The following CDH8 variants were observed in gnomAD, a reference collection of about 807,000 sequenced individuals.
The protein encoded by CDH8 is cadherin-8.
A neutral mutation model predicts 68.1 loss-of-function variants in CDH8; 17 were observed. The observed-to-expected ratio is 0.25, with a 90% CI of 0.17 to 0.37. The LOEUF (loss-of-function observed/expected upper bound fraction) is 0.37, where lower values mean the gene tolerates loss of function less well. Among genes scored for constraint, CDH8 ranks in the 10% least tolerant of loss-of-function variants. CDH8 has a pLI of 1.00. For missense variants in CDH8, 763 were observed against 999.3 expected (o/e 0.76, Z 3.19); for synonymous variants, 372 against 365.1 (o/e 1.02, Z -0.21).
chr16:62,030,206 A>G (rs1567575460), intron 1 of CDH8, among the ~76,000 whole-genome samples: 1 of 152,206 alleles, frequency 6.6e-6, no homozygotes, highest in African/African-American at 2.4e-5. Flanking sequence ...TGACAAAAAT[A>G]CTATTGAGTT....
intron 8 of CDH8, among the ~76,000 whole-genome samples, chr16:61,774,067 G>A (rs1960847327): frequency 6.6e-6 from 1 of 152,156 alleles, no homozygotes; most frequent in African/African-American, 2.4e-5. Context: ...TTGGATTAGG[G>A]AGTCCTGGAA....
At chr16:61,834,905 C>A (rs1004299270) in intron 4 of CDH8, among the ~76,000 whole-genome samples, 1 of 151,992 alleles carries the variant, frequency 6.6e-6, no homozygotes, top group African/African-American at 2.4e-5. Flanking sequence ...CCGCAGCCTG[C>A]AGCTGTGGCG....
At chr16:61,723,118 T>C (rs895077990) in intron 9 of CDH8, among the ~76,000 whole-genome samples, 5 of 150,662 alleles carry the variant, frequency 3.3e-5, no homozygotes, top group Non-Finnish European at 7.5e-5. Flanking sequence ...TGATAGATCA[T>C]CCAGAGAAAG....
intron 3 of CDH8, among the ~76,000 whole-genome samples, chr16:61,898,916 T>G (rs535715632): frequency 5.3e-5 from 8 of 152,302 alleles, no homozygotes; most frequent in Non-Finnish European, 8.8e-5. Context: ...GTTTGATTTT[T>G]TTTTTCTACC....
chr16:61,673,353 G>A (rs1470714607), intron 10 of CDH8, among the ~76,000 whole-genome samples: 1 of 151,998 alleles, frequency 6.6e-6, no homozygotes, highest in Non-Finnish European at 1.5e-5. Flanking sequence ...CTAGGAAATT[G>A]TATCCATGTC....
At chr16:61,935,619 T>C (rs914855870) in intron 2 of CDH8, among the ~76,000 whole-genome samples, 3 of 152,170 alleles carry the variant, frequency 2.0e-5, no homozygotes, top group African/African-American at 7.2e-5. Context: ...TCTAAGTCTA[T>C]TTCCTGTGAG....
At chr16:61,919,842 A>G (rs1426224530) in intron 2 of CDH8, among the ~76,000 whole-genome samples, 1 of 152,196 alleles carries the variant, frequency 6.6e-6, no homozygotes, top group African/African-American at 2.4e-5. Flanking sequence ...ACGCTACCTG[A>G]CTTCAAACTA....
chr16:61,848,987 T>C (rs756219152), intron 4 of CDH8, among the ~76,000 whole-genome samples: 2 of 152,098 alleles, frequency 1.3e-5, no homozygotes, highest in Non-Finnish European at 2.9e-5. Flanking sequence ...TAATAAGATA[T>C]GTTAAAATAG....
At chr16:61,911,626 C>G (rs571159392) in intron 2 of CDH8, among the ~76,000 whole-genome samples, 43 of 147,026 alleles carry the variant, frequency 2.9e-4, no homozygotes, top group Middle Eastern at 3.6e-3. Context: ...TCCCTAAACC[C>G]CCCCCCACCA....
At chr16:61,687,964 C>T (rs963120215) in intron 10 of CDH8, among the ~76,000 whole-genome samples, 4 of 151,980 alleles carry the variant, frequency 2.6e-5, no homozygotes, top group Admixed American at 6.6e-5. Flanking sequence ...CATCAGCATC[C>T]GTTGGCAAAT....
At chr16:62,031,812 G>A (rs1445990880) in intron 1 of CDH8, among the ~76,000 whole-genome samples, 2 of 152,044 alleles carry the variant, frequency 1.3e-5, no homozygotes, top group African/African-American at 4.8e-5. Flanking sequence ...TATTGGCCCC[G>A]GTGCTTTGCC....
intron 7 of CDH8, among the ~76,000 whole-genome samples, chr16:61,810,419 C>T (rs183002566): frequency 6.6e-6 from 1 of 151,964 alleles, no homozygotes; most frequent in Non-Finnish European, 1.5e-5. Flanking sequence ...TTTATTATTC[C>T]TCTAAGGAAA....
intron 2 of CDH8, among the ~76,000 whole-genome samples, chr16:61,905,554 C>T (rs972205728): frequency 6.6e-6 from 1 of 151,984 alleles, no homozygotes; most frequent in Non-Finnish European, 1.5e-5. Flanking sequence ...CTTCATTTTA[C>T]CAATGAGATT....
At chr16:61,941,031 T>A (rs1964715968) in intron 2 of CDH8, among the ~76,000 whole-genome samples, 2 of 152,232 alleles carry the variant, frequency 1.3e-5, no homozygotes, top group South Asian at 4.1e-4. Flanking sequence ...GCATTTTGAA[T>A]GCACATAGAA....
intron 5 of CDH8, among the ~76,000 whole-genome samples, chr16:61,822,224 T>TGGC: frequency 8.3e-6 from 1 of 120,276 alleles, no homozygotes; most frequent in African/African-American, 3.3e-5. Context: ...TTTTTTTTTT[T>TGGC]TTTTTTTTTT....
chr16:61,744,558 G>A (rs1959964697), intron 8 of CDH8, among the ~76,000 whole-genome samples: 1 of 151,794 alleles, frequency 6.6e-6, no homozygotes, highest in Non-Finnish European at 1.5e-5. Context: ...ATTAAAGTAT[G>A]TAACTATATG....
rs1277717388 is a variant in CDH8, at chr16:61,844,633, T to A, written c.667+12486A>T. ...CTTTCTCCAAGTCTATTTTCCAATG[T>A]TATAGAAAATGATGTGATCTCAGAA... On this transcript the variant is annotated intron_variant, in intron 4 of 11. Transcript: ENST00000577390. Among the ~76,000 whole-genome samples the A allele has an allele frequency of 2.6e-5, 4 of 152,178 alleles. 1 individual carries two copies. The East Asian group carries it at 7.7e-4, about 29-fold the overall frequency.
chr16:61,755,985 TA>T (rs1184454559), intron 8 of CDH8, among the ~76,000 whole-genome samples: 5 of 152,134 alleles, frequency 3.3e-5, no homozygotes, highest in African/African-American at 1.2e-4. Flanking sequence ...CACGCCTGGC[TA>T]ATGTTTGTAA....
At chr16:61,861,617 G>T (rs181953781) in intron 3 of CDH8, among the ~76,000 whole-genome samples, 1 of 152,188 alleles carries the variant, frequency 6.6e-6, no homozygotes, top group Non-Finnish European at 1.5e-5. Flanking sequence ...AGGATCACAT[G>T]TAATCACATG....
Sources: allele counts gnomAD v4.1 joint callset (sites outside exome capture counted in the v4.1 genomes callset), GRCh38; gene constraint gnomAD v4.1.1; transcripts MANE v1.5; gene names NCBI Gene and HGNC (gene_info 2026-07-23, HGNC 2026-07-21).